Variants in PTPMT1 observed in about 807,000 individuals in gnomAD.
The protein encoded by PTPMT1 is phosphatidylglycerophosphatase and protein-tyrosine phosphatase 1.
A neutral mutation model predicts 17.8 loss-of-function variants in PTPMT1; 12 were observed. The ratio of observed to expected loss-of-function variants is 0.67; its 90% CI spans 0.43 to 1.09. The LOEUF (loss-of-function observed/expected upper bound fraction) is 1.09. Among genes scored for constraint, PTPMT1 ranks in the 50% least tolerant of loss-of-function variants. The pLI, the probability that PTPMT1 is intolerant of heterozygous loss-of-function variation, is 0.00. For synonymous variants in PTPMT1, 132 were observed against 116.8 expected (o/e 1.13, Z -0.84); for missense variants, 262 against 266.0 (o/e 0.99, Z 0.10).
chr11:47,569,735 C>T lies in PTPMT1; in HGVS notation c.291C>T (p.Leu97=), dbSNP rs1332481491. 3 of 1,613,394 alleles carry T rather than the reference C, an allele frequency of 1.9e-6. No homozygotes were observed. Among genetic ancestry groups the T allele is most frequent in the African/African-American group, 2.7e-5 (2 of 74,836 alleles). The change falls in exon 3 of 4, where the codon CTC becomes CTT. Residue 97 remains leucine (L), a synonymous_variant. Coordinates refer to ENST00000326674, the MANE Select transcript of PTPMT1 (RefSeq NM_175732.3). ...GACTAGGAGTCGAGCAGCTGCGGCT[C>T]AGCACAGTAGACATGACTGGGATCC... ...WKRLGVEQLR[L]STVDMTGIPT...
Position 47,572,103 on chromosome 11 carries a change from G to A in PTPMT1, c.*474G>A, listed in dbSNP as rs2097250139. On this transcript the variant is annotated 3_prime_UTR_variant, in exon 4 of 4. Transcript: ENST00000326674. ...TGCAGTCAGGACTGCTGCAGACTGAGCCATGTGATGGTACGTAATGAGTTC... is the reference window on the plus strand; with the variant it reads ...TGCAGTCAGGACTGCTGCAGACTGAACCATGTGATGGTACGTAATGAGTTC... The A allele has an allele frequency of 6.5e-6, 1 of 154,636 alleles. No homozygotes were observed. Among genetic ancestry groups the A allele is most frequent in the Non-Finnish European group, 1.4e-5 (1 of 69,764 alleles). 9.6% of individuals were successfully genotyped at this position (154,636 alleles called of 1,614,324 possible). A position where few individuals can be genotyped will look rare whatever the true frequency, so the allele number is the denominator to read the frequency against.
In PTPMT1 at chr11:47,565,615, G is replaced by A; in HGVS notation, c.-8G>A. On this transcript the variant is annotated 5_prime_UTR_variant, in exon 1 of 4. Transcript: ENST00000326674. ...GGGGCCGACGGGTCGCCGCTGCGCC[G>A]GGCCGGGATGGCGGCCACCGCGCTG... 3 of 1,297,966 alleles carry A rather than the reference G, an allele frequency of 2.3e-6. No homozygotes were observed. Among genetic ancestry groups the A allele is most frequent in the Admixed American group, 4.2e-5 (1 of 23,728 alleles). The allele number at this position is 1,297,966 out of a possible 1,614,324, so 80.4% of individuals were successfully genotyped here. A position where few individuals can be genotyped will look rare whatever the true frequency, so the allele number is the denominator to read the frequency against.
intron 2 of PTPMT1, among the ~76,000 whole-genome samples, chr11:47,566,784 T>C (rs1264753433): frequency 2.0e-5 from 3 of 152,132 alleles, no homozygotes; most frequent in Non-Finnish European, 4.4e-5. Context: ...AACTGTAGAG[T>C]TCATTTGGCT....
intron 3 of PTPMT1, 25 bp from the exon 4 acceptor site, chr11:47,571,446 C>T (rs2097249619): frequency 6.2e-7 from 1 of 1,609,762 alleles, no homozygotes; most frequent in Non-Finnish European, 8.5e-7. Context: ...TCTTTCTCTG[C>T]TGATTTCCCA....
In PTPMT1 at chr11:47,565,791, C is replaced by A. The variant is rs747880024; in HGVS notation, c.169C>A (p.Arg57Ser). Residue 57 changes from arginine to serine, a missense_variant, in exon 1 of 4, where the codon CGC (arginine) becomes AGC (serine). By Grantham distance (110) the Arg-to-Ser change is moderately radical (BLOSUM62 -1). Coordinates refer to ENST00000326674, the MANE Select transcript of PTPMT1 (RefSeq NM_175732.3). ...LGALPLRSLT[R>S]QLVQDENVRG... ...CGCGCTGCCGTTGCGGAGCTTGACG[C>A]GCCAGGTGAGCCGGGCCGGGGAGCC... 1.9e-6 allele frequency: 3 copies of A among 1,590,514 alleles called. No individual in the cohort carries two copies. The highest frequency in any genetic ancestry group is 2.6e-6 in the Non-Finnish European group (3 of 1,169,672).
chr11:47,567,863 ATTTC>A (rs909793240), intron 2 of PTPMT1, among the ~76,000 whole-genome samples: 11 of 151,564 alleles, frequency 7.3e-5, no homozygotes, highest in African/African-American at 2.2e-4. Context: ...CTGGCCACCT[ATTTC>A]TTCTAAGTGA....
rs2097242444 is a variant in PTPMT1, at chr11:47,565,661, G to T, written c.39G>T (p.Arg13=). The change falls in exon 1 of 4, where the codon CGG becomes CGT. Residue 13 remains arginine (R), a synonymous_variant. Transcript: ENST00000326674. The part of the protein sequence containing the change: ...ATALLEAGLA[R]VLFYPTLLYT... Reference sequence around the variant, plus strand: ...CGCTGCTGGAGGCCGGCCTGGCGCGGGTGCTCTTCTACCCGACGCTGCTCT... The same window carrying T: ...CGCTGCTGGAGGCCGGCCTGGCGCGTGTGCTCTTCTACCCGACGCTGCTCT... 2.9e-6 allele frequency: 4 copies of T among 1,389,736 alleles called. No individual in the cohort carries two copies. Among genetic ancestry groups the T allele is most frequent in the South Asian group, 1.6e-5 (1 of 60,810 alleles). The allele number at this position is 1,389,736 out of a possible 1,614,324, so 86.1% of individuals were successfully genotyped here.
At chr11:47,571,402 T>TCATGGGTCAAGGA (rs1469036994) in intron 3 of PTPMT1, 69 bp from the exon 4 acceptor site, 9 of 1,429,310 alleles carry the variant, frequency 6.3e-6, no homozygotes, top group Non-Finnish European at 8.7e-6. Context: ...TAGCACCTGC[T>TCATGGGTCAAGGA]CATGGGTCAA....
chr11:47,569,987 G>GT (rs893821112), intron 3 of PTPMT1, 96 bp downstream of exon 3: 44 of 978,976 alleles, frequency 4.5e-5, no homozygotes, highest in Middle Eastern at 3.2e-4. Flanking sequence ...GAGCCCAGGA[G>GT]TTTGAGACCA....
At chr11:47,565,829 C>G in intron 1 of PTPMT1, 33 bp downstream of exon 1, 1 of 1,592,714 alleles carries the variant, frequency 6.3e-7, no homozygotes, top group East Asian at 2.3e-5. Flanking sequence ...GGCCCCTGCC[C>G]CGTCCCCGCC....
chr11:47,571,427 C>T (rs940628753), intron 3 of PTPMT1, 44 bp from the exon 4 acceptor site: 1 of 1,598,400 alleles, frequency 6.3e-7, no homozygotes, highest in East Asian at 2.2e-5. Context: ...ACCTTGACAC[C>T]TGCTTCTTTC....
chr11:47,571,773 G>C lies in PTPMT1; in HGVS notation c.*144G>C. On this transcript the variant is annotated 3_prime_UTR_variant, in exon 4 of 4. Transcript: ENST00000326674. ...TAGGTAATTTTTCTTTCTCTGACTTGTTTTGTTTTCTTGAAATAACACTGT... is the reference window on the plus strand; with the variant it reads ...TAGGTAATTTTTCTTTCTCTGACTTCTTTTGTTTTCTTGAAATAACACTGT... 4 of 735,366 alleles carry C rather than the reference G, an allele frequency of 5.4e-6. No homozygotes were observed. The East Asian group carries it at 1.0e-4, about 19-fold the overall frequency. The allele number at this position is 735,366 out of a possible 1,614,324, so 45.6% of individuals were successfully genotyped here. A position where few individuals can be genotyped will look rare whatever the true frequency, so the allele number is the denominator to read the frequency against.
In PTPMT1 at chr11:47,573,185, G is replaced by A. The variant is rs180799402; in HGVS notation, c.*1556G>A. 104 of 1,614,172 alleles carry A rather than the reference G, an allele frequency of 6.4e-5. No individual in the cohort carries two copies. In the East Asian group the frequency reaches 1.2e-3, roughly 18 times the overall value. ...ACACCAGGGAGTCCCCTTCAGCCAC[G>A]ATGAACACCAGATCTTTATGCACAG... On this transcript the variant is annotated 3_prime_UTR_variant, in exon 4 of 4. Coordinates refer to ENST00000326674, the MANE Select transcript of PTPMT1 (RefSeq NM_175732.3). This position sits in a 1 kb window ranked among gnomAD's most constrained non-coding sequence, Gnocchi z 4.1.
At chr11:47,566,611 T>C (rs1598776738) in intron 2 of PTPMT1, among the ~76,000 whole-genome samples, 1 of 152,252 alleles carries the variant, frequency 6.6e-6, no homozygotes, top group East Asian at 1.9e-4. Context: ...AACTTTCCCA[T>C]GCCTTCCTGA....
chr11:47,568,510 G>A (rs1486077179), intron 2 of PTPMT1, among the ~76,000 whole-genome samples: 1 of 151,532 alleles, frequency 6.6e-6, no homozygotes, highest in Non-Finnish European at 1.5e-5. Flanking sequence ...ACCCCCATCT[G>A]CACACACACA....
Position 47,573,303 on chromosome 11 carries a change from T to A in PTPMT1, c.*1674T>A. ...AAAGCACTGGATGAGTCGGGAAGGT[T>A]TGGTAAAGAAGTCCAGATCATTCTC... On this transcript the variant is annotated 3_prime_UTR_variant, in exon 4 of 4. Transcript: ENST00000326674. The surrounding 1 kb of genome is among the most constrained non-coding windows in gnomAD (Gnocchi z 4.1). The A allele has an allele frequency of 6.2e-7, 1 of 1,614,114 alleles. No homozygotes were observed. The highest frequency in any genetic ancestry group is 1.1e-5 in the South Asian group (1 of 91,078).
intron 2 of PTPMT1, among the ~76,000 whole-genome samples, chr11:47,567,148 T>A (rs1264070415): frequency 6.6e-6 from 1 of 152,150 alleles, no homozygotes; most frequent in African/African-American, 2.4e-5. Flanking sequence ...ACACCTGTAA[T>A]CCCAGCACTT....
Position 47,572,661 on chromosome 11 carries a change from G to A in PTPMT1, c.*1032G>A. 2.0e-6 allele frequency: 1 copy of A among 490,622 alleles called. No homozygotes were observed. The highest frequency in any genetic ancestry group is 3.0e-5 in the South Asian group (1 of 33,310). 30.4% of individuals were successfully genotyped at this position (490,622 alleles called of 1,614,324 possible). A position where few individuals can be genotyped will look rare whatever the true frequency, so the allele number is the denominator to read the frequency against. On this transcript the variant is annotated 3_prime_UTR_variant, in exon 4 of 4. Coordinates refer to ENST00000326674, the MANE Select transcript of PTPMT1 (RefSeq NM_175732.3). Reference sequence around the variant, plus strand: ...AGGCTGTGCCTAAGGTCTGAGAAAAGGCTTGCTCTAAGCAAGCTGTGGTGA... The same window carrying A: ...AGGCTGTGCCTAAGGTCTGAGAAAAAGCTTGCTCTAAGCAAGCTGTGGTGA...
rs1480551439 is a variant in PTPMT1 at position 47,572,764 on chromosome 11, C to G, written c.*1135C>G. 1.4e-6 allele frequency: 1 copy of G among 710,504 alleles called. No individual in the cohort carries two copies. The highest frequency in any genetic ancestry group is 2.7e-5 in the East Asian group (1 of 36,730). The allele number at this position is 710,504 out of a possible 1,614,324, so 44.0% of individuals were successfully genotyped here. On this transcript the variant is annotated 3_prime_UTR_variant, in exon 4 of 4. Transcript: ENST00000326674. The stretch of plus-strand genomic sequence containing the variant: ...AAGCAACCAGCTGAGCAGCAGCAGT[C>G]TAAAAAGCCCCAAACAGAACACCTC...
Sources: allele counts gnomAD v4.1 joint callset (sites outside exome capture counted in the v4.1 genomes callset), GRCh38; gene constraint gnomAD v4.1.1; non-coding constraint Gnocchi (gnomAD v3.1); transcripts MANE v1.5; gene names NCBI Gene and HGNC (gene_info 2026-07-23, HGNC 2026-07-21).